ADD1: variants seen among roughly 807,000 people sequenced by gnomAD.
ADD1 encodes adducin 1.
In ADD1, 24 loss-of-function variants were observed where a neutral mutation model predicts 80.5. The observed-to-expected ratio is 0.30, with a 90% CI of 0.22 to 0.42. The LOEUF (loss-of-function observed/expected upper bound fraction) is 0.42. ADD1 is among the 10% of genes least tolerant of loss of function. The probability of loss-of-function intolerance (pLI) is 1.00; values close to 1 mark genes in which losing one functional copy is unlikely to be tolerated. For synonymous variants in ADD1, 373 were observed against 393.8 expected, an observed-to-expected ratio of 0.95 and a Z score of 0.63; for missense variants, 948 against 1,019.0, an observed-to-expected ratio of 0.93 and a Z score of 0.95.
rs762085283 is a variant in ADD1, at chr4:2,884,632, T to C, written c.476T>C (p.Phe159Ser). The C allele has an allele frequency of 9.3e-6, 15 of 1,611,094 alleles. No homozygotes were observed. The Admixed American group carries it at 2.3e-4, about 25-fold the overall frequency. The change falls in exon 4 of 16, where the codon TTT becomes TCT. Residue 159 changes from phenylalanine (F) to serine (S), a missense_variant. Transcript: ENST00000683351. ...GCGTTTTATAGACTAGCAGATCTCT[T>C]TGGGTGGTCTCAGCTTATCTACAAT... Reference protein sequence around the residue: ...LAAFYRLADLFGWSQLIYNHI... With the variant: ...LAAFYRLADLSGWSQLIYNHI...
intron 1 of ADD1, among the ~76,000 whole-genome samples, chr4:2,857,026 C>T (rs1217261984): frequency 1.3e-5 from 2 of 152,044 alleles, no homozygotes; most frequent in Non-Finnish European, 2.9e-5. Context: ...AATTCTTCTG[C>T]CTCAGCCTCC....
intron 1 of ADD1, among the ~76,000 whole-genome samples, chr4:2,863,524 A>G (rs1473774439): frequency 1.3e-5 from 2 of 152,218 alleles, no homozygotes; most frequent in Non-Finnish European, 2.9e-5. Context: ...GACAGTAAAA[A>G]TCATTGCAAG....
At position 2,926,224 on chromosome 4, in the gene ADD1, A is replaced by G; in HGVS notation, c.2047+112A>G. The G allele has an allele frequency of 1.0e-6, 1 of 957,304 alleles. No homozygotes were observed. Among genetic ancestry groups the G allele is most frequent in the Non-Finnish European group, 1.7e-6 (1 of 598,472 alleles). The allele number at this position is 957,304 out of a possible 1,614,324, so 59.3% of individuals were successfully genotyped here. On this transcript the variant is annotated intron_variant, in intron 15 of 15. Transcript: ENST00000683351. This position sits in a 1 kb window ranked among gnomAD's most constrained non-coding sequence, Gnocchi z 5.0. The stretch of plus-strand genomic sequence containing the variant: ...CAGCAACACGGAAGTGTGTGCTTGC[A>G]TCAGCGCCAGGACGTGACACCTTTC...
At chr4:2,897,293 C>G (rs1256387623) in intron 6 of ADD1, among the ~76,000 whole-genome samples, 1 of 151,754 alleles carries the variant, frequency 6.6e-6, no homozygotes, top group Non-Finnish European at 1.5e-5. Context: ...TGAGGCCACT[C>G]TGGGGAATTT....
chr4:2,852,295 T>C, intron 1 of ADD1, among the ~76,000 whole-genome samples: 1 of 144,326 alleles, frequency 6.9e-6, no homozygotes, highest in Non-Finnish European at 1.5e-5. Flanking sequence ...TCTTTTCTTT[T>C]CTTTTCTTTT....
At chr4:2,871,629 A>G (rs1306785108) in intron 1 of ADD1, among the ~76,000 whole-genome samples, 4 of 152,162 alleles carry the variant, frequency 2.6e-5, no homozygotes, top group Non-Finnish European at 5.9e-5. Context: ...TCAAACACAT[A>G]CAAAATAGAC....
rs1404833391 is a variant in ADD1 at position 2,875,994 on chromosome 4, C to G, written c.79C>G (p.Arg27Gly). 1.2e-6 allele frequency: 2 copies of G among 1,613,886 alleles called. No homozygotes were observed. Among genetic ancestry groups the G allele is most frequent in the Admixed American group, 1.7e-5 (1 of 59,998 alleles). Residue 27 changes from arginine to glycine, a missense_variant, in exon 2 of 16, where the codon CGA becomes GGA. Arg to Gly is a moderately radical substitution (Grantham distance 125). Transcript: ENST00000683351. ...TAPHKERYFD[R>G]VDENNPEYLR... ...CCCTCACAAGGAGAGGTACTTCGAC[C>G]GAGTAGATGAGAACAACCCAGAGTA...
In ADD1 at chr4:2,926,615, T is replaced by C. The variant is rs1399584936; in HGVS notation, c.2047+503T>C. On this transcript the variant is annotated intron_variant, in intron 15 of 15. Transcript: ENST00000683351. The surrounding 1 kb of genome is among the most constrained non-coding windows in gnomAD (Gnocchi z 5.0). ...GCATAGATTCTCTCCTTGTGCTTTT[T>C]TCTCCCTGTGGCTGCGTCACAAGCA... 1 of 1,613,292 alleles carries C rather than the reference T, an allele frequency of 6.2e-7. No homozygotes were observed. Among genetic ancestry groups the C allele is most frequent in the South Asian group, 1.1e-5 (1 of 90,884 alleles).
intron 4 of ADD1, among the ~76,000 whole-genome samples, chr4:2,886,756 G>A (rs959722492): frequency 3.7e-4 from 57 of 152,204 alleles, no homozygotes; most frequent in Non-Finnish European, 7.6e-4. Flanking sequence ...CATTTGATTG[G>A]TGGGTCCAGT....
intron 4 of ADD1, among the ~76,000 whole-genome samples, chr4:2,889,197 A>G (rs1033668883): frequency 1.3e-5 from 2 of 152,182 alleles, no homozygotes; most frequent in Non-Finnish European, 2.9e-5. Context: ...ATGCATTGAA[A>G]CAGACATGCT....
At chr4:2,885,748 T>C (rs1024290163) in intron 4 of ADD1, among the ~76,000 whole-genome samples, 2 of 152,032 alleles carry the variant, frequency 1.3e-5, no homozygotes, top group Non-Finnish European at 2.9e-5. Flanking sequence ...TAGCTGGGAC[T>C]ACAGGCGCCC....
At chr4:2,884,783 C>A in intron 4 of ADD1, 117 bp downstream of exon 4, 1 of 1,222,316 alleles carries the variant, frequency 8.2e-7, no homozygotes, top group Non-Finnish European at 1.1e-6. Context: ...TCTTGGAATA[C>A]CTCTTCTGAT....
chr4:2,891,854 G>C (rs1490301870), intron 4 of ADD1, among the ~76,000 whole-genome samples: 1 of 152,222 alleles, frequency 6.6e-6, no homozygotes, highest in Non-Finnish European at 1.5e-5. Flanking sequence ...GATCATATAA[G>C]GGGAGACAGG....
chr4:2,928,549 C>T lies in ADD1; in HGVS notation c.*26C>T. The T allele has an allele frequency of 1.3e-6, 2 of 1,592,700 alleles. No individual in the cohort carries two copies. Among genetic ancestry groups the T allele is most frequent in the Non-Finnish European group, 1.7e-6 (2 of 1,172,352 alleles). On this transcript the variant is annotated 3_prime_UTR_variant, in exon 16 of 16. Coordinates refer to ENST00000683351, the MANE Select transcript of ADD1 (RefSeq NM_001354761.2). ...AAGCCCTGCGCTAACACTGTCCTGT[C>T]CGGAGCGACCCTGGCTCTGCCAGCG... is the stretch of plus-strand genomic sequence containing the variant.
chr4:2,905,433 C>G (rs1736887111), intron 10 of ADD1: 1 of 323,362 alleles, frequency 3.1e-6, no homozygotes, highest in Non-Finnish European at 5.7e-6. Flanking sequence ...TTCAGGGACT[C>G]TTAATACTTC....
chr4:2,861,080 A>G (rs1394508353), intron 1 of ADD1, among the ~76,000 whole-genome samples: 2 of 152,214 alleles, frequency 1.3e-5, no homozygotes, highest in East Asian at 3.8e-4. Flanking sequence ...TAAGGCATTC[A>G]AAGTAGCTGG....
intron 1 of ADD1, among the ~76,000 whole-genome samples, chr4:2,862,258 G>T (rs1192516358): frequency 6.6e-6 from 1 of 152,196 alleles, no homozygotes; most frequent in Admixed American, 6.5e-5. Flanking sequence ...CTGGTAAAGT[G>T]AATGCGCTCA....
intron 6 of ADD1, 100 bp downstream of exon 6, chr4:2,894,831 A>G (rs1477773852): frequency 2.3e-6 from 3 of 1,285,242 alleles, no homozygotes; most frequent in Admixed American, 3.4e-5. Context: ...AGTCAGTAAA[A>G]CTAATTTTGT....
At chr4:2,899,233 G>C in intron 8 of ADD1, 26 bp from the exon 9 acceptor site, 1 of 1,592,008 alleles carries the variant, frequency 6.3e-7, no homozygotes. Context: ...AGGAACTCAA[G>C]CCATGCTGTG....
Sources: gnomAD v4.1 joint callset for allele counts (sites outside exome capture counted in the v4.1 genomes callset) on GRCh38, gnomAD v4.1.1 for gene constraint, Gnocchi (gnomAD v3.1) non-coding constraint, MANE v1.5 for transcripts, NCBI Gene and HGNC (gene_info 2026-07-23, HGNC 2026-07-21) for gene names.